Variants in HECTD2 observed in about 807,000 individuals in gnomAD.
The protein encoded by HECTD2 is HECT domain E3 ubiquitin protein ligase 2, also known as probable E3 ubiquitin-protein ligase HECTD2.
HECTD2 carries 35 observed loss-of-function variants against 103.2 expected under a neutral mutation model. The ratio of observed to expected loss-of-function variants is 0.34; its 90% CI spans 0.26 to 0.45. The LOEUF (loss-of-function observed/expected upper bound fraction) is 0.45, where lower values mean the gene tolerates loss of function less well. HECTD2 is among the 20% of genes least tolerant of loss of function. The pLI, the probability that HECTD2 is intolerant of heterozygous loss-of-function variation, is 1.00. For synonymous variants in HECTD2, 281 were observed against 329.9 expected, an observed-to-expected ratio of 0.85 and a Z score of 1.61; for missense variants, 596 against 937.4, an observed-to-expected ratio of 0.64 and a Z score of 4.76.
intron 20 of HECTD2, among the ~76,000 whole-genome samples, chr10:91,507,506 G>T (rs1457103130): frequency 6.6e-6 from 1 of 152,214 alleles, no homozygotes; most frequent in Non-Finnish European, 1.5e-5. Context: ...AATCATGAGT[G>T]AACTCCCATT....
At chr10:91,489,754 T>C (rs1846397533) in intron 11 of HECTD2, 1 of 152,182 alleles carries the variant, frequency 6.6e-6, no homozygotes, top group East Asian at 1.9e-4. Flanking sequence ...TTTAGCGTTG[T>C]ATATAGGAGA....
Position 91,514,436 on chromosome 10 carries a change from G to T in HECTD2, c.*2052G>T, listed in dbSNP as rs577320704. 1 of 152,632 alleles carries T rather than the reference G, an allele frequency of 6.6e-6. No homozygotes were observed. Among genetic ancestry groups the T allele is most frequent in the African/African-American group, 2.4e-5 (1 of 41,546 alleles). The allele number at this position is 152,632 out of a possible 1,614,324, so 9.5% of individuals were successfully genotyped here. A position where few individuals can be genotyped will look rare whatever the true frequency, so the allele number is the denominator to read the frequency against. ...TTGTGCTCTGTTTTTGGTTTACAGT[G>T]TAATAATACCTCATTTAAAAAATAA... On this transcript the variant is annotated 3_prime_UTR_variant, in exon 21 of 21. Transcript: ENST00000298068.
intron 2 of HECTD2, among the ~76,000 whole-genome samples, chr10:91,433,274 A>G (rs1262713930): frequency 1.3e-5 from 2 of 152,008 alleles, no homozygotes; most frequent in Non-Finnish European, 2.9e-5. Context: ...ATTTGTTTCA[A>G]AAGTCAAAAC....
intron 12 of HECTD2, among the ~76,000 whole-genome samples, chr10:91,491,948 C>T (rs1251041248): frequency 6.6e-6 from 1 of 152,096 alleles, no homozygotes; most frequent in Admixed American, 6.5e-5. Flanking sequence ...GGTCTCAAGC[C>T]ATACTCCTAC....
intron 2 of HECTD2, among the ~76,000 whole-genome samples, chr10:91,446,060 C>T (rs980903903): frequency 1.3e-5 from 2 of 152,072 alleles, no homozygotes; most frequent in Non-Finnish European, 2.9e-5. Context: ...GGGTCCCTGA[C>T]ACCCATGTGT....
At position 91,484,503 on chromosome 10, in the gene HECTD2, C is replaced by T. The variant is rs369820677; in HGVS notation, c.822-4C>T. The T allele has an allele frequency of 1.9e-6, 3 of 1,592,036 alleles. No homozygotes were observed. Among genetic ancestry groups the T allele is most frequent in the African/African-American group, 2.7e-5 (2 of 73,510 alleles). ...GATTGCAATTATTTTGAAATCTTTA[C>T]CAGATTGTCCCAGAAGAGGTTCAAA... On this transcript the variant is annotated splice_polypyrimidine_tract_variant and splice_region_variant and intron_variant, in intron 8 of 20. Coordinates refer to ENST00000298068, the MANE Select transcript of HECTD2 (RefSeq NM_182765.6).
At chr10:91,419,001 T>A (rs1843243206) in intron 1 of HECTD2, among the ~76,000 whole-genome samples, 1 of 152,192 alleles carries the variant, frequency 6.6e-6, no homozygotes. Context: ...TTTATAGACA[T>A]AGACGTTCAA....
intron 5 of HECTD2, chr10:91,464,495 C>G (rs1331432272): frequency 1.3e-5 from 2 of 153,678 alleles, no homozygotes; most frequent in African/African-American, 2.4e-5. Flanking sequence ...CCAGGCTGGT[C>G]TCAGACTCCT....
At chr10:91,480,215 A>T (rs1846043049) in intron 6 of HECTD2, among the ~76,000 whole-genome samples, 1 of 152,070 alleles carries the variant, frequency 6.6e-6, no homozygotes, top group Admixed American at 6.6e-5. Context: ...AAACCTACTC[A>T]TACAATTTAT....
intron 5 of HECTD2, among the ~76,000 whole-genome samples, chr10:91,477,030 A>C (rs990036430): frequency 1.3e-5 from 2 of 151,724 alleles, no homozygotes; most frequent in Admixed American, 6.6e-5. Flanking sequence ...AATACAAAAA[A>C]ATTAGCCGGG....
chr10:91,450,710 G>A lies in HECTD2; in HGVS notation c.269-9717G>A, dbSNP rs560408471. On this transcript the variant is annotated intron_variant, in intron 2 of 20. Coordinates refer to ENST00000298068, the MANE Select transcript of HECTD2 (RefSeq NM_182765.6). Reference sequence around the variant, plus strand: ...AAAAAACCATCAAAAAGTGGGCAAAGGATATGAACAGACACTTCCCAAAAG... The same window carrying A: ...AAAAAACCATCAAAAAGTGGGCAAAAGATATGAACAGACACTTCCCAAAAG... 5.7e-4 allele frequency among the ~76,000 whole-genome samples: 85 copies of A among 150,370 alleles called. 2 individuals are homozygous for A. In the South Asian group the frequency reaches 0.017, roughly 30 times the overall value.
intron 20 of HECTD2, among the ~76,000 whole-genome samples, chr10:91,508,694 A>G (rs901262306): frequency 6.7e-6 from 1 of 148,164 alleles, no homozygotes; most frequent in African/African-American, 2.6e-5. Context: ...AACTAGTTCA[A>G]CCATTGTGGA....
rs921408700 is a variant in HECTD2, at chr10:91,491,253, A to G, written c.1245A>G (p.Leu415=). 5 of 1,583,342 alleles carry G rather than the reference A, an allele frequency of 3.2e-6. No homozygotes were observed. The highest frequency in any genetic ancestry group is 4.3e-6 in the Non-Finnish European group (5 of 1,158,242). The change falls in exon 12 of 21, where the codon TTA becomes TTG. Residue 415 remains leucine, a synonymous_variant. Transcript: ENST00000298068. ...GACAGAGACCTGATATGAATATATTATTTCTAAATATGAAAGTAAGACGGA... is the reference window on the plus strand; with the variant it reads ...GACAGAGACCTGATATGAATATATTGTTTCTAAATATGAAAGTAAGACGGA... ...SRRQRPDMNI[L]FLNMKVRRTH... is the part of the protein sequence containing the mutation.
At chr10:91,497,484 G>C (rs7100786) in intron 15 of HECTD2, among the ~76,000 whole-genome samples, 1 of 111,448 alleles carries the variant, frequency 9.0e-6, no homozygotes, top group African/African-American at 3.2e-5. Flanking sequence ...TTTTTTTTTG[G>C]ATTTTTAGTA....
chr10:91,505,919 C>CG (rs1327843403), intron 20 of HECTD2, among the ~76,000 whole-genome samples: 9 of 152,222 alleles, frequency 5.9e-5, no homozygotes, highest in African/African-American at 2.2e-4. Flanking sequence ...CTATAACAAA[C>CG]TATCTCTCAG....
intron 2 of HECTD2, among the ~76,000 whole-genome samples, chr10:91,452,572 T>C (rs1311911702): frequency 6.6e-6 from 1 of 151,998 alleles, no homozygotes; most frequent in Non-Finnish European, 1.5e-5. Context: ...GATTCATGGG[T>C]TATCATGGGA....
At chr10:91,502,834 T>C (rs1227307123) in intron 20 of HECTD2, among the ~76,000 whole-genome samples, 1 of 152,184 alleles carries the variant, frequency 6.6e-6, no homozygotes, top group Non-Finnish European at 1.5e-5. Flanking sequence ...ATTATTATTA[T>C]TTCAAGAATA....
intron 1 of HECTD2, among the ~76,000 whole-genome samples, chr10:91,410,866 A>G (rs1382816881): frequency 1.3e-5 from 2 of 152,190 alleles, no homozygotes; most frequent in South Asian, 2.1e-4. Flanking sequence ...TTTCTCTAAG[A>G]GAATGACCTG....
In HECTD2 at chr10:91,476,389, A is replaced by G. The variant is rs74149237; in HGVS notation, c.601-1812A>G. The stretch of plus-strand genomic sequence containing the variant: ...GCTCCAGGATCACCACACCTGCTCA[A>G]TCACCCAGAAATAGGTTTGGAGAGG... On this transcript the variant is annotated intron_variant, in intron 5 of 20. Coordinates refer to ENST00000298068, the MANE Select transcript of HECTD2 (RefSeq NM_182765.6). Among the ~76,000 whole-genome samples, 818 of 152,256 alleles carry G rather than the reference A, an allele frequency of 5.4e-3. 4 individuals are homozygous for G. Among genetic ancestry groups the G allele is most frequent in the African/African-American group, 0.019 (784 of 41,540 alleles).
Sources: gnomAD v4.1 joint callset for allele counts (sites outside exome capture counted in the v4.1 genomes callset) on GRCh38, gnomAD v4.1.1 for gene constraint, MANE v1.5 for transcripts, NCBI Gene and HGNC (gene_info 2026-07-23, HGNC 2026-07-21) for gene names.